Variants in SMIM8 observed in about 807,000 individuals in gnomAD.
SMIM8 encodes UPF0708 protein C6orf162.
SMIM8 carries 8 observed loss-of-function variants against 8.1 expected under a neutral mutation model. That is an observed-to-expected ratio of 0.99 (90% confidence interval 0.58 to 1.78). The LOEUF is 1.78. SMIM8 is among the 40% of genes most tolerant of loss of function. The pLI is 0.00. For missense variants in SMIM8, 126 were observed against 119.8 expected (o/e 1.05, Z -0.24); for synonymous variants, 45 against 39.7 (o/e 1.13, Z -0.50).
intron 2 of SMIM8, among the ~76,000 whole-genome samples, chr6:87,332,728 A>G (rs1777022295): frequency 4.5e-5 from 1 of 22,448 alleles, no homozygotes; most frequent in Non-Finnish European, 1.0e-4. Context: ...TCACCTTGGA[A>G]AAATGCTGTT....
Position 87,326,411 on chromosome 6 carries a change from T to C in SMIM8, c.-45+3779T>C, listed in dbSNP as rs149329436. ...TTTATCTTGTGGGCATTTAGGGCTATAAATTTCCCTCTACATGCTGCTTTG... is the reference window on the plus strand; with the variant it reads ...TTTATCTTGTGGGCATTTAGGGCTACAAATTTCCCTCTACATGCTGCTTTG... On this transcript the variant is annotated intron_variant, in intron 1 of 3. Coordinates refer to ENST00000392863, the MANE Select transcript of SMIM8 (RefSeq NM_001042493.3). 1.3e-3 allele frequency among the ~76,000 whole-genome samples: 194 copies of C among 152,312 alleles called. 1 individual carries two copies. Among genetic ancestry groups the C allele is most frequent in the African/African-American group, 4.2e-3 (173 of 41,558 alleles).
At chr6:87,328,728 A>G (rs1194928976) in intron 1 of SMIM8, among the ~76,000 whole-genome samples, 2 of 152,298 alleles carry the variant, frequency 1.3e-5, no homozygotes, top group African/African-American at 2.4e-5. Context: ...CTGCCCCCAG[A>G]GGTGGAGCCT....
rs1223593201 is a variant in SMIM8 at position 87,329,551 on chromosome 6, A to G, written c.-44-1141A>G. Reference sequence around the variant, plus strand: ...AGCAATCTACCCGCTTCGGCCTCCCAGAGTGCTGGGATTGCAGGCGTGAGC... The same window carrying G: ...AGCAATCTACCCGCTTCGGCCTCCCGGAGTGCTGGGATTGCAGGCGTGAGC... On this transcript the variant is annotated intron_variant, in intron 1 of 3. Transcript: ENST00000392863. Among the ~76,000 whole-genome samples the G allele has an allele frequency of 2.6e-5, 4 of 152,240 alleles. No homozygotes were observed. The East Asian group carries it at 5.8e-4, about 22-fold the overall frequency.
chr6:87,338,544 TATA>T (rs1225884018), intron 3 of SMIM8, among the ~76,000 whole-genome samples: 4 of 152,222 alleles, frequency 2.6e-5, no homozygotes, highest in African/African-American at 9.6e-5. Flanking sequence ...GTAAGGTTAA[TATA>T]TAGCTATTGG....
At chr6:87,339,444 G>T (rs569305975) in intron 3 of SMIM8, among the ~76,000 whole-genome samples, 13 of 150,066 alleles carry the variant, frequency 8.7e-5, no homozygotes, top group South Asian at 4.2e-4. Context: ...GTTTGTGTGT[G>T]TGTGTGTGTG....
rs149189336 is a variant in SMIM8 at position 87,341,511 on chromosome 6, A to G, written c.*1237A>G. On this transcript the variant is annotated 3_prime_UTR_variant, in exon 4 of 4. Transcript: ENST00000392863. ...TTTCTAGATATATACCTAATTCTCC[A>G]AATCATTGTCATTGGGCCTCAGTAG... The G allele has an allele frequency of 2.6e-6, 1 of 383,734 alleles. No homozygotes were observed. Among genetic ancestry groups the G allele is most frequent in the Non-Finnish European group, 4.6e-6 (1 of 217,452 alleles). 23.8% of individuals were successfully genotyped at this position (383,734 alleles called of 1,614,324 possible).
chr6:87,323,830 GATCCCTGAGGA>G (rs1390053559), intron 1 of SMIM8, among the ~76,000 whole-genome samples: 4 of 152,040 alleles, frequency 2.6e-5, no homozygotes, highest in Non-Finnish European at 5.9e-5. Context: ...TCTAGTTCTA[GATCCCTGAGGA>G]ATCGCCACAC....
intron 2 of SMIM8, among the ~76,000 whole-genome samples, chr6:87,336,323 A>C (rs1350321258): frequency 6.6e-6 from 1 of 152,214 alleles, no homozygotes; most frequent in East Asian, 1.9e-4. Context: ...CTAGGAAAAC[A>C]AGAAGACAAA....
Position 87,340,800 on chromosome 6 carries a change from A to T in SMIM8, c.*526A>T, listed in dbSNP as rs15836. The stretch of plus-strand genomic sequence containing the variant: ...GTTGGCTCTGACAAGTAGTTTTTAT[A>T]GTGTCACAAATGGTTCATATATTTC... On this transcript the variant is annotated 3_prime_UTR_variant, in exon 4 of 4. Coordinates refer to ENST00000392863, the MANE Select transcript of SMIM8 (RefSeq NM_001042493.3). 1,691 of 152,890 alleles carry T rather than the reference A, an allele frequency of 0.011. 37 individuals carry two copies. The highest frequency in any genetic ancestry group is 0.037 in the African/African-American group (1,541 of 41,594). 9.5% of individuals were successfully genotyped at this position (152,890 alleles called of 1,614,324 possible).
rs539952680 is a variant in SMIM8, at chr6:87,339,039, T to G, written c.136-1077T>G. Among the ~76,000 whole-genome samples, 3 of 151,678 alleles carry G rather than the reference T, an allele frequency of 2.0e-5. No individual in the cohort carries two copies. The South Asian group carries it at 6.2e-4, about 32-fold the overall frequency. On this transcript the variant is annotated intron_variant, in intron 3 of 3. Transcript: ENST00000392863. ...TGAGACTCTATCTCTACAAAAAAAT[T>G]TAAAATTAGTCTGGCCACAGTGGCT...
chr6:87,332,202 T>C (rs1391582651), intron 2 of SMIM8, among the ~76,000 whole-genome samples: 1 of 151,786 alleles, frequency 6.6e-6, no homozygotes, highest in Admixed American at 6.6e-5. Flanking sequence ...ACATATTTCA[T>C]ATAGGTTGAA....
chr6:87,323,545 A>C (rs1776727491), intron 1 of SMIM8, among the ~76,000 whole-genome samples: 1 of 151,176 alleles, frequency 6.6e-6, no homozygotes, highest in African/African-American at 2.4e-5. Context: ...TGTTCTTGCG[A>C]TAGTTTACTG....
chr6:87,329,104 C>T (rs73488017), intron 1 of SMIM8: 11,673 of 153,364 alleles, frequency 0.076, 976 homozygotes, highest in African/African-American at 0.21. Flanking sequence ...CCTCGCCCTG[C>T]TTCGGCTCTC....
At chr6:87,326,190 A>G (rs1374708169) in intron 1 of SMIM8, among the ~76,000 whole-genome samples, 3 of 151,940 alleles carry the variant, frequency 2.0e-5, no homozygotes, top group African/African-American at 7.3e-5. Flanking sequence ...GCGGTCTATC[A>G]ATTTTGTTGA....
At chr6:87,334,529 C>G (rs1227755432) in intron 2 of SMIM8, among the ~76,000 whole-genome samples, 1 of 152,036 alleles carries the variant, frequency 6.6e-6, no homozygotes, top group African/African-American at 2.4e-5. Flanking sequence ...GTCTCAGACT[C>G]CTGGGTTCAA....
At position 87,340,147 on chromosome 6, in the gene SMIM8, CTCTT is replaced by C. The variant is rs765598301; in HGVS notation, c.170_173del (p.Leu57HisfsTer32). The C allele has an allele frequency of 1.3e-6, 2 of 1,599,702 alleles. No homozygotes were observed. Among genetic ancestry groups the C allele is most frequent in the African/African-American group, 1.4e-5 (1 of 73,950 alleles). On this transcript the variant is annotated frameshift_variant, in exon 4 of 4. Transcript: ENST00000392863. LOFTEE classifies it high-confidence loss of function. ...CCTGTAATGGCTTTCGGATTGGTAA[CTCTT>C]TCACTTTGCGTGGCATATATTGGTT...
chr6:87,341,143 A>G lies in SMIM8; in HGVS notation c.*869A>G, dbSNP rs563280592. On this transcript the variant is annotated 3_prime_UTR_variant, in exon 4 of 4. Transcript: ENST00000392863. ...AACTACAACTACTCAATGGATAAGG[A>G]ATAGATAAGGTCTCCTTATTGTACC... is the stretch of plus-strand genomic sequence containing the variant. 298 of 396,350 alleles carry G rather than the reference A, an allele frequency of 7.5e-4. 1 individual carries two copies. The highest frequency in any genetic ancestry group is 5.1e-3 in the Middle Eastern group (8 of 1,584). The allele number at this position is 396,350 out of a possible 1,614,324, so 24.6% of individuals were successfully genotyped here. A position where few individuals can be genotyped will look rare whatever the true frequency, so the allele number is the denominator to read the frequency against.
At chr6:87,335,582 A>G (rs1436078496) in intron 2 of SMIM8, among the ~76,000 whole-genome samples, 7 of 152,160 alleles carry the variant, frequency 4.6e-5, no homozygotes, top group Non-Finnish European at 7.4e-5. Flanking sequence ...ATAGATGAAC[A>G]TTCAGCGACT....
At chr6:87,324,537 C>A (rs1182153569) in intron 1 of SMIM8, among the ~76,000 whole-genome samples, 1 of 150,832 alleles carries the variant, frequency 6.6e-6, no homozygotes, top group East Asian at 1.9e-4. Context: ...ATCCTTTCCC[C>A]ATTGCTTGTT....
Sources: allele counts gnomAD v4.1 joint callset (sites outside exome capture counted in the v4.1 genomes callset), GRCh38; gene constraint gnomAD v4.1.1; transcripts MANE v1.5; gene names NCBI Gene and HGNC (gene_info 2026-07-23, HGNC 2026-07-21).